The following FBXO34 variants were observed in gnomAD, a reference collection of about 807,000 sequenced individuals.
The protein encoded by FBXO34 is F-box protein 34, also known as F-box only protein 34.
Under a neutral mutation model 24.5 loss-of-function variants are expected in FBXO34, and 12 were observed. That is an observed-to-expected ratio of 0.49 (90% CI 0.31 to 0.79). The LOEUF (loss-of-function observed/expected upper bound fraction) is 0.79, where lower values mean the gene tolerates loss of function less well. Among genes scored for constraint, FBXO34 ranks in the 30% least tolerant of loss-of-function variants. FBXO34 has a pLI of 0.04. For synonymous variants in FBXO34, 320 were observed against 311.9 expected (o/e 1.03, Z -0.27); for missense variants, 823 against 857.7 (o/e 0.96, Z 0.51).
At chr14:55,407,348 C>A in the FBXO34 span, among the ~76,000 whole-genome samples, 1 of 152,212 alleles carries the variant, frequency 6.6e-6, no homozygotes, top group Non-Finnish European at 1.5e-5. Context: ...CCAGGATGGT[C>A]TCGGTCTCTT....
the FBXO34 span, among the ~76,000 whole-genome samples, chr14:55,417,867 GC>G: frequency 6.6e-6 from 1 of 152,162 alleles, no homozygotes; most frequent in African/African-American, 2.4e-5. Flanking sequence ...GAAAGGACTG[GC>G]TTTGAGATCA....
chr14:55,403,832 A>T, the FBXO34 span, among the ~76,000 whole-genome samples: 1 of 152,214 alleles, frequency 6.6e-6, no homozygotes, highest in Non-Finnish European at 1.5e-5. Flanking sequence ...CTATTTCTAC[A>T]ATGTTTGAGC....
the FBXO34 span, among the ~76,000 whole-genome samples, chr14:55,413,313 C>A: frequency 1.3e-5 from 2 of 152,148 alleles, no homozygotes; most frequent in African/African-American, 2.4e-5. Flanking sequence ...GCAAAAAATA[C>A]ACATTAATTC....
chr14:55,417,061 A>G, the FBXO34 span, among the ~76,000 whole-genome samples: 3 of 152,224 alleles, frequency 2.0e-5, no homozygotes, highest in African/African-American at 7.2e-5. Flanking sequence ...GCCCTTTCCC[A>G]AGAGGGAATG....
At chr14:55,377,183 C>A in the FBXO34 span, among the ~76,000 whole-genome samples, 2 of 152,064 alleles carry the variant, frequency 1.3e-5, no homozygotes, top group Non-Finnish European at 2.9e-5. Context: ...CCTGTCTCTA[C>A]TAAAAATACA....
chr14:55,275,457 C>T (rs1171736526), intron 1 of FBXO34, among the ~76,000 whole-genome samples: 1 of 152,028 alleles, frequency 6.6e-6, no homozygotes, highest in African/African-American at 2.4e-5. Context: ...GACCCTTAAC[C>T]TTTGTTTTAA....
chr14:55,374,943 G>GTT (rs1219220412), downstream of FBXO34, among the ~76,000 whole-genome samples: 3 of 152,034 alleles, frequency 2.0e-5, no homozygotes, highest in African/African-American at 7.2e-5. Context: ...CCTCATTATT[G>GTT]TTTTCAAAAC....
the FBXO34 span, among the ~76,000 whole-genome samples, chr14:55,429,543 C>T: frequency 6.6e-6 from 1 of 152,244 alleles, no homozygotes; most frequent in South Asian, 2.1e-4. Flanking sequence ...GCAGGCAGCT[C>T]ACCTGAGGAC....
At chr14:55,336,342 A>G (rs1318123971) in intron 1 of FBXO34, among the ~76,000 whole-genome samples, 1 of 152,234 alleles carries the variant, frequency 6.6e-6, no homozygotes, top group Non-Finnish European at 1.5e-5. Flanking sequence ...TGTTTGAACC[A>G]GGAAGGAGCA....
chr14:55,435,464 C>T, the FBXO34 span, among the ~76,000 whole-genome samples: 16 of 151,920 alleles, frequency 1.1e-4, no homozygotes, highest in Admixed American at 6.6e-4. Context: ...TTAGTAGAGA[C>T]GGGATTTCAC....
In FBXO34 at chr14:55,283,563, C is replaced by T. The variant is rs960384387; in HGVS notation, c.-11+12026C>T. ...CACTGCAACCTCCACCCCCTGGGTT[C>T]AAGCGATTCTCCTGCCTCAGCCTCC... is the stretch of plus-strand genomic sequence containing the variant. On this transcript the variant is annotated intron_variant, in intron 1 of 1. Coordinates refer to ENST00000313833, the MANE Select transcript of FBXO34 (RefSeq NM_017943.4). Among the ~76,000 whole-genome samples the T allele has an allele frequency of 5.9e-5, 9 of 151,292 alleles. 1 individual carries two copies. The South Asian group carries it at 1.2e-3, about 21-fold the overall frequency.
At chr14:55,411,960 C>T in the FBXO34 span, 20 of 760,860 alleles carry the variant, frequency 2.6e-5, no homozygotes, top group Non-Finnish European at 3.5e-5. Context: ...GTGTTCCTGT[C>T]CCGGGCACTG....
the FBXO34 span, chr14:55,411,537 C>T: frequency 6.7e-7 from 1 of 1,497,596 alleles, no homozygotes; most frequent in Middle Eastern, 2.0e-4. Context: ...CAGGTTCCAG[C>T]CTTCGGCTGC....
the FBXO34 span, among the ~76,000 whole-genome samples, chr14:55,379,579 A>T: frequency 1.3e-5 from 2 of 152,180 alleles, no homozygotes; most frequent in Admixed American, 1.3e-4. Flanking sequence ...TAATTTTTTA[A>T]AAAAATTAAA....
the FBXO34 span, chr14:55,380,528 G>T: frequency 1.6e-6 from 2 of 1,276,958 alleles, no homozygotes; most frequent in East Asian, 2.3e-5. Context: ...ATAGAAACTT[G>T]AAAGAGCCAT....
At chr14:55,376,720 G>T in the FBXO34 span, among the ~76,000 whole-genome samples, 3 of 152,156 alleles carry the variant, frequency 2.0e-5, no homozygotes, top group Non-Finnish European at 4.4e-5. Context: ...AAACCCAAAA[G>T]AACTTTCCCG....
At chr14:55,319,988 T>C (rs551510334) in intron 1 of FBXO34, among the ~76,000 whole-genome samples, 2 of 152,202 alleles carry the variant, frequency 1.3e-5, no homozygotes, top group South Asian at 4.2e-4. Context: ...TCCTGAACTT[T>C]CATAGGAAAC....
intron 1 of FBXO34, among the ~76,000 whole-genome samples, chr14:55,274,598 A>G (rs959335655): frequency 3.9e-5 from 6 of 152,254 alleles, no homozygotes; most frequent in Non-Finnish European, 8.8e-5. Context: ...GGATAAAAGC[A>G]AATGTCAAGA....
the FBXO34 span, among the ~76,000 whole-genome samples, chr14:55,398,090 G>A: frequency 6.6e-6 from 1 of 151,908 alleles, no homozygotes; most frequent in Non-Finnish European, 1.5e-5. Context: ...TGGGACTACA[G>A]GCGCCTGCCA....
Sources: allele counts gnomAD v4.1 joint callset (sites outside exome capture counted in the v4.1 genomes callset), GRCh38; gene constraint gnomAD v4.1.1; transcripts MANE v1.5; gene names NCBI Gene and HGNC (gene_info 2026-07-23, HGNC 2026-07-21).